The following ERBB4 variants were observed in gnomAD, a reference collection of about 807,000 sequenced individuals.
ERBB4 encodes the protein erb-b2 receptor tyrosine kinase 4.
Under a neutral mutation model 158.0 loss-of-function variants are expected in ERBB4, and 42 were observed. That is an observed-to-expected ratio of 0.27 (90% confidence interval 0.21 to 0.34). The LOEUF (loss-of-function observed/expected upper bound fraction) is 0.34, where lower values mean the gene tolerates loss of function less well. ERBB4 is among the 10% of genes least tolerant of loss of function. ERBB4 has a pLI of 1.00. For synonymous variants in ERBB4, 583 were observed against 558.7 expected (o/e 1.04, Z -0.61); for missense variants, 1,333 against 1,624.1 (o/e 0.82, Z 3.08).
intron 3 of ERBB4, among the ~76,000 whole-genome samples, chr2:211,869,220 C>G (rs187317030): frequency 2.0e-5 from 3 of 152,274 alleles, no homozygotes; most frequent in Non-Finnish European, 4.4e-5. Context: ...AGCATAGGCT[C>G]TGAAGCCAGA....
At chr2:211,490,016 G>C (rs545511758) in intron 20 of ERBB4, among the ~76,000 whole-genome samples, 2 of 152,140 alleles carry the variant, frequency 1.3e-5, no homozygotes, top group South Asian at 4.1e-4. Context: ...GTGTGTGGAG[G>C]CTTTAAGAGG....
At chr2:211,850,685 T>C (rs1159709) in intron 3 of ERBB4, among the ~76,000 whole-genome samples, 123,893 of 151,730 alleles carry the variant, frequency 0.82, 50,874 homozygotes, top group Non-Finnish European at 0.86. Context: ...TGGAGAACAG[T>C]ATTAATTCAT....
At position 211,736,488 on chromosome 2, in the gene ERBB4, T is replaced by C. The variant is rs574983399; in HGVS notation, c.623-11294A>G. Among the ~76,000 whole-genome samples the C allele has an allele frequency of 7.9e-5, 12 of 152,314 alleles. 1 individual carries two copies. The South Asian group carries it at 8.3e-4, about 11-fold the overall frequency. On this transcript the variant is annotated intron_variant, in intron 5 of 27. Coordinates refer to ENST00000342788, the MANE Select transcript of ERBB4 (RefSeq NM_005235.3). ...AGTTGCAACCAGCAATCTGAAAGCA[T>C]TGTCTTATTGCATGAACAAAGGTCA...
At chr2:211,736,110 C>T (rs2074590340) in intron 5 of ERBB4, among the ~76,000 whole-genome samples, 1 of 151,440 alleles carries the variant, frequency 6.6e-6, no homozygotes. Flanking sequence ...CTAGAGTAAG[C>T]TATGATTGTG....
chr2:211,635,440 G>T (rs544152455), intron 16 of ERBB4, among the ~76,000 whole-genome samples: 2 of 152,220 alleles, frequency 1.3e-5, no homozygotes, highest in Admixed American at 6.5e-5. Context: ...ATCTTTCCAA[G>T]CTATATTACT....
intron 12 of ERBB4, among the ~76,000 whole-genome samples, chr2:211,695,183 T>A (rs1029775201): frequency 7.9e-5 from 12 of 152,178 alleles, no homozygotes; most frequent in African/African-American, 2.9e-4. Context: ...TCCCTACTTA[T>A]TAACTCTTTG....
Position 211,644,770 on chromosome 2 carries a change from C to A in ERBB4, c.1946+12984G>T, listed in dbSNP as rs577146597. ...TTGTAAATGGTCATAAGAAAATAAT[C>A]TAAAAGTAATTTGGAATAAACATAA... On this transcript the variant is annotated intron_variant, in intron 16 of 27. Coordinates refer to ENST00000342788, the MANE Select transcript of ERBB4 (RefSeq NM_005235.3). 2.4e-4 allele frequency among the ~76,000 whole-genome samples: 36 copies of A among 152,008 alleles called. No homozygotes were observed. In the South Asian group the frequency reaches 5.0e-3, roughly 21 times the overall value.
chr2:212,312,827 C>T (rs1454386656), intron 1 of ERBB4, among the ~76,000 whole-genome samples: 1 of 150,354 alleles, frequency 6.7e-6, no homozygotes, highest in African/African-American at 2.4e-5. Flanking sequence ...GAAGCAAAAG[C>T]AGAACTGAAC....
chr2:212,374,515 C>G (rs1348764209), intron 1 of ERBB4, among the ~76,000 whole-genome samples: 1 of 151,792 alleles, frequency 6.6e-6, no homozygotes, highest in Non-Finnish European at 1.5e-5. Context: ...CACACATATG[C>G]CTTCATTTCT....
At chr2:212,391,752 ATAT>A (rs2090878108) in intron 1 of ERBB4, among the ~76,000 whole-genome samples, 1 of 142,450 alleles carries the variant, frequency 7.0e-6, no homozygotes, top group African/African-American at 2.6e-5. Flanking sequence ...ATTATATATA[ATAT>A]TGACATATAT....
intron 3 of ERBB4, among the ~76,000 whole-genome samples, chr2:211,938,837 A>G (rs1425507275): frequency 6.6e-6 from 1 of 152,164 alleles, no homozygotes; most frequent in East Asian, 1.9e-4. Context: ...AACAAAGCTA[A>G]TAAATATTTG....
At chr2:211,531,045 C>T (rs942286446) in intron 20 of ERBB4, among the ~76,000 whole-genome samples, 4 of 152,050 alleles carry the variant, frequency 2.6e-5, no homozygotes, top group South Asian at 2.1e-4. Flanking sequence ...ACAAAGGTAC[C>T]AAGAACATAC....
intron 19 of ERBB4, among the ~76,000 whole-genome samples, chr2:211,616,283 C>T (rs2069386893): frequency 6.6e-6 from 1 of 152,082 alleles, no homozygotes; most frequent in African/African-American, 2.4e-5. Context: ...AAGCTCCAGT[C>T]ACTTACAACG....
At chr2:211,808,729 T>C (rs904234099) in intron 3 of ERBB4, among the ~76,000 whole-genome samples, 17 of 152,232 alleles carry the variant, frequency 1.1e-4, no homozygotes, top group Non-Finnish European at 2.2e-4. Context: ...AGTATGGCCA[T>C]TTTAACAATA....
intron 2 of ERBB4, among the ~76,000 whole-genome samples, chr2:212,050,476 T>G (rs1458305082): frequency 6.6e-6 from 1 of 152,186 alleles, no homozygotes; most frequent in Non-Finnish European, 1.5e-5. Flanking sequence ...GTCCTCCTGG[T>G]TTGACTCTAT....
intron 1 of ERBB4, among the ~76,000 whole-genome samples, chr2:212,247,240 T>C (rs951867493): frequency 9.2e-5 from 14 of 152,146 alleles, no homozygotes; most frequent in Non-Finnish European, 1.9e-4. Flanking sequence ...CAACCTATGA[T>C]TGGGACCTGA....
intron 4 of ERBB4, among the ~76,000 whole-genome samples, chr2:211,772,918 CACACACATAT>C (rs1349301172): frequency 6.8e-4 from 32 of 46,786 alleles, no homozygotes; most frequent in South Asian, 5.2e-3. Context: ...TACACACACA[CACACACATAT>C]ATATATATAT....
intron 20 of ERBB4, among the ~76,000 whole-genome samples, chr2:211,471,907 C>T (rs940168356): frequency 1.3e-5 from 2 of 151,908 alleles, no homozygotes; most frequent in African/African-American, 2.4e-5. Context: ...CTCAAGAGGA[C>T]GAAGCAAGAG....
chr2:211,648,040 T>C lies in ERBB4; in HGVS notation c.1946+9714A>G, dbSNP rs146055079. On this transcript the variant is annotated intron_variant, in intron 16 of 27. Transcript: ENST00000342788. ...TCTACATATGGAATCTCATTTAATG[T>C]AATGAATTTAAATATGCTTGATGAC... Among the ~76,000 whole-genome samples the C allele has an allele frequency of 8.1e-3, 1,226 of 151,976 alleles. 18 individuals carry two copies. Among genetic ancestry groups the C allele is most frequent in the African/African-American group, 0.028 (1,177 of 41,548 alleles).
Sources: gnomAD v4.1 joint callset for allele counts (sites outside exome capture counted in the v4.1 genomes callset) on GRCh38, gnomAD v4.1.1 for gene constraint, MANE v1.5 for transcripts, NCBI Gene and HGNC (gene_info 2026-07-23, HGNC 2026-07-21) for gene names.